The following HS6ST3 variants were observed in gnomAD, a reference collection of about 807,000 sequenced individuals.
HS6ST3 encodes the protein heparan-sulfate 6-O-sulfotransferase 3.
HS6ST3 carries 12 observed loss-of-function variants against 36.7 expected under a neutral mutation model. The observed-to-expected ratio is 0.33, with a 90% CI of 0.21 to 0.53. The LOEUF is 0.53. Ranked by LOEUF, HS6ST3 falls within the 20% of genes least tolerant of loss-of-function variation. The pLI, the probability that HS6ST3 is intolerant of heterozygous loss-of-function variation, is 0.95. For synonymous variants in HS6ST3, 240 were observed against 257.5 expected (o/e 0.93, Z 0.65); for missense variants, 584 against 640.9 (o/e 0.91, Z 0.96).
At chr13:96,390,785 C>A (rs1022731341) in intron 1 of HS6ST3, among the ~76,000 whole-genome samples, 6 of 152,134 alleles carry the variant, frequency 3.9e-5, no homozygotes, top group African/African-American at 1.4e-4. Flanking sequence ...GCTGTATCAC[C>A]TCTGGGTAGA....
intron 1 of HS6ST3, among the ~76,000 whole-genome samples, chr13:96,495,715 T>C (rs1294919913): frequency 6.6e-6 from 1 of 152,196 alleles, no homozygotes. Context: ...GGGCCACAAA[T>C]TGTTAGTTGT....
intron 1 of HS6ST3, among the ~76,000 whole-genome samples, chr13:96,358,435 A>G (rs552912387): frequency 5.4e-4 from 82 of 152,296 alleles, no homozygotes; most frequent in Non-Finnish European, 9.6e-4. Context: ...CTTGCCAAAT[A>G]TGTTACATCT....
rs564906140 is a variant in HS6ST3 at position 96,140,687 on chromosome 13, T to G, written c.707+49118T>G. Among the ~76,000 whole-genome samples, 16 of 152,360 alleles carry G rather than the reference T, an allele frequency of 1.1e-4. No homozygotes were observed. In the South Asian group the frequency reaches 3.3e-3, roughly 32 times the overall value. On this transcript the variant is annotated intron_variant, in intron 1 of 1. Coordinates refer to ENST00000376705, the MANE Select transcript of HS6ST3 (RefSeq NM_153456.4). ...AAAAAGGAAACCGTGAAGCCATTGC[T>G]GCAGTTACACTAGAAGGTGAGAAAA...
intron 1 of HS6ST3, among the ~76,000 whole-genome samples, chr13:96,591,358 C>T (rs976775486): frequency 6.6e-6 from 1 of 151,764 alleles, no homozygotes; most frequent in Non-Finnish European, 1.5e-5. Context: ...TTTTGGAGTC[C>T]TCTTCAATTT....
intron 1 of HS6ST3, among the ~76,000 whole-genome samples, chr13:96,392,224 A>G (rs1204261540): frequency 2.0e-5 from 3 of 152,138 alleles, no homozygotes; most frequent in Admixed American, 1.3e-4. Flanking sequence ...CCAAATTTCC[A>G]CTGGGCTCTA....
At chr13:96,135,245 T>C (rs139986551) in intron 1 of HS6ST3, among the ~76,000 whole-genome samples, 3,052 of 152,246 alleles carry the variant, frequency 0.02, 86 homozygotes, top group African/African-American at 0.068. Flanking sequence ...TTCATTCCCA[T>C]GTGTCCCAGG....
At chr13:96,801,408 C>T (rs1833417000) in intron 1 of HS6ST3, among the ~76,000 whole-genome samples, 1 of 151,976 alleles carries the variant, frequency 6.6e-6, no homozygotes, top group African/African-American at 2.4e-5. Context: ...GTCCAATATA[C>T]CGTATGTCTT....
At chr13:96,236,543 C>G (rs2054535631) in intron 1 of HS6ST3, among the ~76,000 whole-genome samples, 1 of 152,012 alleles carries the variant, frequency 6.6e-6, no homozygotes. Flanking sequence ...AACTCCCTTG[C>G]TAAAGCCCTC....
chr13:96,291,846 G>A (rs1328368531), intron 1 of HS6ST3, among the ~76,000 whole-genome samples: 5 of 152,140 alleles, frequency 3.3e-5, no homozygotes. Flanking sequence ...TCACCATGCA[G>A]GAAGATCCTA....
At chr13:96,210,482 T>C (rs1036259847) in intron 1 of HS6ST3, among the ~76,000 whole-genome samples, 1 of 152,226 alleles carries the variant, frequency 6.6e-6, no homozygotes, top group Non-Finnish European at 1.5e-5. Context: ...ATAGCCTTAG[T>C]AGAATTAAAG....
At chr13:96,283,376 T>C (rs1470501529) in intron 1 of HS6ST3, among the ~76,000 whole-genome samples, 1 of 152,240 alleles carries the variant, frequency 6.6e-6, no homozygotes, top group Non-Finnish European at 1.5e-5. Context: ...TTCATGCTAA[T>C]GAGGTTGTTT....
At chr13:96,651,722 A>G (rs2056608303) in intron 1 of HS6ST3, among the ~76,000 whole-genome samples, 1 of 152,070 alleles carries the variant, frequency 6.6e-6, no homozygotes, top group Admixed American at 6.6e-5. Flanking sequence ...GTTGTATCTA[A>G]TCAGGACACT....
At chr13:96,600,426 T>C (rs2056417381) in intron 1 of HS6ST3, among the ~76,000 whole-genome samples, 1 of 151,934 alleles carries the variant, frequency 6.6e-6, no homozygotes, top group Non-Finnish European at 1.5e-5. Context: ...TATAATGACC[T>C]TCTTTGTCTT....
intron 1 of HS6ST3, among the ~76,000 whole-genome samples, chr13:96,571,858 T>C (rs1451839541): frequency 6.6e-6 from 1 of 152,212 alleles, no homozygotes; most frequent in African/African-American, 2.4e-5. Flanking sequence ...CATGAAATGC[T>C]GAAAACAACA....
chr13:96,445,418 A>C (rs2055693294), intron 1 of HS6ST3, among the ~76,000 whole-genome samples: 1 of 152,144 alleles, frequency 6.6e-6, no homozygotes, highest in African/African-American at 2.4e-5. Flanking sequence ...TAGATAATGA[A>C]TATATTGTTA....
intron 1 of HS6ST3, among the ~76,000 whole-genome samples, chr13:96,488,891 A>G (rs2055930299): frequency 1.3e-5 from 2 of 151,688 alleles, no homozygotes; most frequent in Admixed American, 6.6e-5. Flanking sequence ...CTTAAAAAGC[A>G]TTTTTTTTCT....
chr13:96,454,013 G>A (rs146251873), intron 1 of HS6ST3, among the ~76,000 whole-genome samples: 1 of 152,076 alleles, frequency 6.6e-6, no homozygotes, highest in Admixed American at 6.5e-5. Flanking sequence ...ATTCTTGAAA[G>A]AAGTTGACAC....
At chr13:96,732,655 T>A (rs1326132058) in intron 1 of HS6ST3, among the ~76,000 whole-genome samples, 2 of 152,174 alleles carry the variant, frequency 1.3e-5, no homozygotes, top group East Asian at 3.9e-4. Flanking sequence ...TCATACAACT[T>A]TTAGAACTGT....
chr13:96,495,713 A>C (rs2055971587), intron 1 of HS6ST3, among the ~76,000 whole-genome samples: 1 of 152,162 alleles, frequency 6.6e-6, no homozygotes, highest in African/African-American at 2.4e-5. Flanking sequence ...TAGGGCCACA[A>C]ATTGTTAGTT....
Sources: gnomAD v4.1 joint callset for allele counts (sites outside exome capture counted in the v4.1 genomes callset) on GRCh38, gnomAD v4.1.1 for gene constraint, MANE v1.5 for transcripts, NCBI Gene and HGNC (gene_info 2026-07-23, HGNC 2026-07-21) for gene names.